Variants in DPYD observed in about 807,000 individuals in gnomAD.
DPYD encodes the protein dihydropyrimidine dehydrogenase.
Under a neutral mutation model 116.2 loss-of-function variants are expected in DPYD, and 109 were observed. That is an observed-to-expected ratio of 0.94 (90% CI 0.80 to 1.10). DPYD has a LOEUF of 1.10. DPYD is among the 50% of genes least tolerant of loss of function. The pLI, the probability that DPYD is intolerant of heterozygous loss-of-function variation, is 0.00. For synonymous variants in DPYD, 440 were observed against 432.0 expected (o/e 1.02, Z -0.23); for missense variants, 1,302 against 1,254.5 (o/e 1.04, Z -0.57).
intron 8 of DPYD, among the ~76,000 whole-genome samples, chr1:97,614,732 C>T (rs990413222): frequency 1.3e-5 from 2 of 152,062 alleles, no homozygotes; most frequent in African/African-American, 4.8e-5. Flanking sequence ...TATGAATGTA[C>T]AGGATTATTT....
intron 1 of DPYD, among the ~76,000 whole-genome samples, chr1:97,900,667 G>T (rs1048271170): frequency 7.9e-5 from 12 of 151,716 alleles, no homozygotes; most frequent in Non-Finnish European, 1.8e-4. Context: ...CTGCTAATAG[G>T]TTTCTCCATT....
In DPYD at chr1:97,899,101, GT is replaced by G. The variant is rs200811669; in HGVS notation, c.40-15728del. On this transcript the variant is annotated intron_variant, in intron 1 of 22. Transcript: ENST00000370192. ...CTGTCAGACAAGAGTGTTTTGTTTT[GT>G]TTTTTTTTTTAATGCCAAAGGCCTT... Among the ~76,000 whole-genome samples, 592 of 144,124 alleles carry G rather than the reference GT, an allele frequency of 4.1e-3. 2 individuals carry two copies. The highest frequency in any genetic ancestry group is 0.013 in the African/African-American group (510 of 39,534). The allele number at this position is 144,124 out of a possible 152,430, so 94.6% of individuals were successfully genotyped here. A position where few individuals can be genotyped will look rare whatever the true frequency, so the allele number is the denominator to read the frequency against.
chr1:97,269,428 C>T (rs1212552649), intron 18 of DPYD, among the ~76,000 whole-genome samples: 2 of 152,170 alleles, frequency 1.3e-5, no homozygotes, highest in Non-Finnish European at 2.9e-5. Context: ...ACCCGTTACC[C>T]AGTTCCAAAG....
intron 20 of DPYD, among the ~76,000 whole-genome samples, chr1:97,183,040 T>C (rs1371523762): frequency 2.0e-5 from 3 of 152,130 alleles, no homozygotes; most frequent in Non-Finnish European, 4.4e-5. Flanking sequence ...CGATGAAGCA[T>C]AATTCATCTA....
chr1:97,190,639 G>A (rs1658286333), intron 20 of DPYD, among the ~76,000 whole-genome samples: 2 of 152,116 alleles, frequency 1.3e-5, no homozygotes, highest in African/African-American at 4.8e-5. Context: ...CCCTTCAACA[G>A]CCACCTGAAG....
At chr1:97,207,428 AAAG>A (rs936543569) in intron 19 of DPYD, among the ~76,000 whole-genome samples, 9 of 152,142 alleles carry the variant, frequency 5.9e-5, no homozygotes, top group Admixed American at 2.0e-4. Context: ...CTTCATATTC[AAAG>A]TACTATTTGT....
At chr1:97,657,209 T>C (rs993902450) in intron 8 of DPYD, among the ~76,000 whole-genome samples, 29 of 152,004 alleles carry the variant, frequency 1.9e-4, no homozygotes, top group African/African-American at 6.8e-4. Context: ...CCTCAGGTAA[T>C]CCACCCACCT....
chr1:97,231,247 T>A (rs191857068), intron 19 of DPYD, among the ~76,000 whole-genome samples: 1 of 152,256 alleles, frequency 6.6e-6, no homozygotes, highest in East Asian at 1.9e-4. Context: ...GTCTTACAGG[T>A]CCTGTGATGG....
chr1:97,146,067 T>C (rs1420947258), intron 20 of DPYD, among the ~76,000 whole-genome samples: 1 of 152,120 alleles, frequency 6.6e-6, no homozygotes, highest in East Asian at 1.9e-4. Flanking sequence ...GGCTTAGCCT[T>C]TGGGACTTGT....
chr1:97,805,995 T>A (rs560434855), intron 3 of DPYD, among the ~76,000 whole-genome samples: 1 of 151,956 alleles, frequency 6.6e-6, no homozygotes, highest in South Asian at 2.1e-4. Context: ...CAAATTCAAA[T>A]CATAGTTGGA....
chr1:97,759,352 A>G lies in DPYD; in HGVS notation c.234-18873T>C, dbSNP rs527350758. Among the ~76,000 whole-genome samples the G allele has an allele frequency of 3.3e-5, 5 of 152,258 alleles. No individual in the cohort carries two copies. The East Asian group carries it at 9.6e-4, about 29-fold the overall frequency. On this transcript the variant is annotated intron_variant, in intron 3 of 22. Transcript: ENST00000370192. ...TGGTTAATGCTTCTTAAAATTGCTAAAACCTTGGCTTTTGAGTCTTTACTG... is the reference window on the plus strand; with the variant it reads ...TGGTTAATGCTTCTTAAAATTGCTAGAACCTTGGCTTTTGAGTCTTTACTG...
Position 97,297,815 on chromosome 1 carries a change from A to T in DPYD, c.2299+7444T>A, listed in dbSNP as rs954860038. 2.0e-5 allele frequency among the ~76,000 whole-genome samples: 3 copies of T among 152,300 alleles called. No homozygotes were observed. In the East Asian group the frequency reaches 5.8e-4, roughly 29 times the overall value. On this transcript the variant is annotated intron_variant, in intron 18 of 22. Transcript: ENST00000370192. ...ATACAAAGTTAAGAAGAAAAACATA[A>T]CATTTCACAATCGAGAACGTAATTT...
intron 1 of DPYD, chr1:97,883,745 T>C (rs1672342654): frequency 5.5e-6 from 2 of 363,978 alleles, no homozygotes; most frequent in East Asian, 7.8e-5. Flanking sequence ...CCATGTCTGG[T>C]AGCATTTTTA....
chr1:97,296,247 C>T (rs1007643926), intron 18 of DPYD: 2 of 152,116 alleles, frequency 1.3e-5, no homozygotes, highest in Non-Finnish European at 2.9e-5. Context: ...ACCCAGGTTT[C>T]TGATTTCAAT....
intron 1 of DPYD, among the ~76,000 whole-genome samples, chr1:97,888,229 T>C (rs1468894857): frequency 1.3e-5 from 2 of 151,964 alleles, no homozygotes; most frequent in African/African-American, 4.8e-5. Flanking sequence ...ATATGAAACA[T>C]TCACTAGAGT....
chr1:97,164,325 GAAA>G (rs1656146598), intron 20 of DPYD, among the ~76,000 whole-genome samples: 1 of 152,068 alleles, frequency 6.6e-6, no homozygotes, highest in African/African-American at 2.4e-5. Context: ...ATATCATACT[GAAA>G]GGGCAAAAGC....
At chr1:97,744,405 C>G (rs1382598853) in intron 3 of DPYD, among the ~76,000 whole-genome samples, 2 of 151,860 alleles carry the variant, frequency 1.3e-5, no homozygotes, top group African/African-American at 4.8e-5. Flanking sequence ...ATTTTCTAGT[C>G]AATGAGTTTA....
intron 3 of DPYD, among the ~76,000 whole-genome samples, chr1:97,742,977 A>ATAACACAATTAAAAAATAAAG (rs1664351315): frequency 6.6e-6 from 1 of 152,112 alleles, no homozygotes; most frequent in Non-Finnish European, 1.5e-5. Context: ...AACTTGAATA[A>ATAACACAATTAAAAAATAAAG]TAACACAATT....
Position 97,265,046 on chromosome 1 carries a change from T to C in DPYD, c.2300-30052A>G, listed in dbSNP as rs567722124. On this transcript the variant is annotated intron_variant, in intron 18 of 22. Transcript: ENST00000370192. ...ATAGCAAGACTGTCCCGTTCATCCGTGGACAGTGCCATTATTAGATACTGG... is the reference window on the plus strand; with the variant it reads ...ATAGCAAGACTGTCCCGTTCATCCGCGGACAGTGCCATTATTAGATACTGG... 2.0e-5 allele frequency among the ~76,000 whole-genome samples: 3 copies of C among 152,264 alleles called. No homozygotes were observed. In the East Asian group the frequency reaches 5.8e-4, roughly 29 times the overall value.
Sources: allele counts gnomAD v4.1 joint callset (sites outside exome capture counted in the v4.1 genomes callset), GRCh38; gene constraint gnomAD v4.1.1; transcripts MANE v1.5; gene names NCBI Gene and HGNC (gene_info 2026-07-23, HGNC 2026-07-21).